The following TRPM3 variants were observed in gnomAD, a reference collection of about 807,000 sequenced individuals.
The protein encoded by TRPM3 is transient receptor potential cation channel subfamily M member 3, also known as long transient receptor potential channel 3.
Under a neutral mutation model 181.2 loss-of-function variants are expected in TRPM3, and 77 were observed. That is an observed-to-expected ratio of 0.42 (90% CI 0.35 to 0.51). TRPM3 has a LOEUF of 0.51. Ranked by LOEUF, TRPM3 falls within the 20% of genes least tolerant of loss-of-function variation. The pLI is 0.01. For missense variants in TRPM3, 1,759 were observed against 2,196.7 expected (o/e 0.80, Z 3.98); for synonymous variants, 745 against 796.4 (o/e 0.94, Z 1.09).
At chr9:70,549,028 AAAAC>A (rs1274798939) in intron 25 of TRPM3, among the ~76,000 whole-genome samples, 1 of 152,212 alleles carries the variant, frequency 6.6e-6, no homozygotes, top group Non-Finnish European at 1.5e-5. Context: ...ATAAAAAGGA[AAAAC>A]AAAACAATTC....
At chr9:71,213,324 C>T (rs2079630522) in intron 1 of TRPM3, among the ~76,000 whole-genome samples, 1 of 151,426 alleles carries the variant, frequency 6.6e-6, no homozygotes, top group Non-Finnish European at 1.5e-5. Context: ...TTTTAAATAC[C>T]ATCCCAGTTT....
chr9:71,375,753 G>T (rs1409192059), intron 1 of TRPM3, among the ~76,000 whole-genome samples: 2 of 152,128 alleles, frequency 1.3e-5, no homozygotes, highest in Admixed American at 1.3e-4. Context: ...TGATCAGCCA[G>T]CAGTCATCAA....
intron 1 of TRPM3, chr9:70,917,398 T>A: frequency 1.1e-6 from 1 of 874,438 alleles, no homozygotes; most frequent in Non-Finnish European, 2.0e-6. Context: ...AAGAGCTCAG[T>A]GGGGACACCA....
chr9:70,760,624 G>A (rs886735722), intron 8 of TRPM3: 37 of 151,512 alleles, frequency 2.4e-4, no homozygotes, highest in African/African-American at 9.0e-4. Context: ...AAGGCTGTGT[G>A]GATGCTTTTT....
At chr9:71,322,575 T>C (rs2089327403) in intron 1 of TRPM3, among the ~76,000 whole-genome samples, 1 of 152,124 alleles carries the variant, frequency 6.6e-6, no homozygotes, top group South Asian at 2.1e-4. Flanking sequence ...TGTCAAATAC[T>C]GTTTCACGGA....
chr9:71,014,421 T>C (rs896540985), intron 1 of TRPM3, among the ~76,000 whole-genome samples: 15 of 152,082 alleles, frequency 9.9e-5, no homozygotes, highest in Admixed American at 1.3e-4. Context: ...TATAGAACTT[T>C]TATATCTTAT....
chr9:70,563,493 C>T (rs949929320), intron 22 of TRPM3, among the ~76,000 whole-genome samples: 1 of 152,206 alleles, frequency 6.6e-6, no homozygotes, highest in African/African-American at 2.4e-5. Flanking sequence ...CTTCTCCTTT[C>T]ACCCAATTCA....
intron 1 of TRPM3, among the ~76,000 whole-genome samples, chr9:71,300,012 A>T (rs977396400): frequency 3.3e-5 from 5 of 152,272 alleles, no homozygotes; most frequent in South Asian, 4.1e-4. Context: ...CTGCTGCCAG[A>T]TAGCATAACC....
chr9:71,062,569 T>C lies in TRPM3; in HGVS notation c.177+58609A>G, dbSNP rs79335538. On this transcript the variant is annotated intron_variant, in intron 1 of 25. Transcript: ENST00000677713. ...TTTGCTTTCTAAATACTTTTGTTTC[T>C]TTGAGCAAATGCAAATTCAATATAC... 4.9e-3 allele frequency among the ~76,000 whole-genome samples: 752 copies of C among 152,258 alleles called. 18 individuals are homozygous for C. In the East Asian group the frequency reaches 0.078, roughly 16 times the overall value.
At chr9:70,635,377 A>T (rs1483518834) in intron 11 of TRPM3, 116 bp from the exon 12 acceptor site, 2 of 748,268 alleles carry the variant, frequency 2.7e-6, no homozygotes, top group African/African-American at 3.5e-5. Flanking sequence ...ATTAAGATGG[A>T]CCTTGTTCTA....
intron 9 of TRPM3, 34 bp from the exon 10 acceptor site, chr9:70,640,694 G>C: frequency 1.3e-6 from 2 of 1,543,404 alleles, no homozygotes. Flanking sequence ...AAGAGTGGAA[G>C]AGAGAAAACG....
At chr9:71,307,310 CCTGT>C (rs1440395499) in intron 1 of TRPM3, among the ~76,000 whole-genome samples, 3 of 110,294 alleles carry the variant, frequency 2.7e-5, no homozygotes, top group South Asian at 2.9e-4. Flanking sequence ...TCTTTATTTC[CCTGT>C]TTATTTACCA....
At chr9:71,150,116 ATGT>A (rs1268527993) in intron 1 of TRPM3, among the ~76,000 whole-genome samples, 3 of 152,324 alleles carry the variant, frequency 2.0e-5, no homozygotes, top group African/African-American at 7.2e-5. Flanking sequence ...GAGGGCAGAA[ATGT>A]TGTAGAATTT....
intron 7 of TRPM3, among the ~76,000 whole-genome samples, chr9:70,778,510 C>T (rs1564241105): frequency 1.3e-5 from 2 of 152,144 alleles, no homozygotes; most frequent in South Asian, 4.1e-4. Context: ...AAACCACCAG[C>T]GTTCTTTGTC....
intron 1 of TRPM3, among the ~76,000 whole-genome samples, chr9:71,324,842 T>C (rs73649719): frequency 0.034 from 5,126 of 152,146 alleles, 270 homozygotes; most frequent in African/African-American, 0.12. Context: ...GAGGTCATTA[T>C]CTTAAGTGAA....
At chr9:70,761,300 C>T in intron 8 of TRPM3, 1 of 607,916 alleles carries the variant, frequency 1.6e-6, no homozygotes. Flanking sequence ...CTGAAGCGTT[C>T]TCCAGGAGGG....
chr9:71,162,786 A>G (rs761038145), intron 1 of TRPM3, among the ~76,000 whole-genome samples: 1 of 152,200 alleles, frequency 6.6e-6, no homozygotes. Context: ...CTTCCATGTA[A>G]GAGACAGGAA....
intron 1 of TRPM3, among the ~76,000 whole-genome samples, chr9:71,203,812 CCTT>C (rs1030297360): frequency 2.0e-5 from 3 of 152,180 alleles, no homozygotes; most frequent in African/African-American, 7.2e-5. Flanking sequence ...TCCTCCACCT[CCTT>C]CTTTTCTGCT....
chr9:71,151,255 A>C (rs1409467109), intron 1 of TRPM3, among the ~76,000 whole-genome samples: 1 of 152,046 alleles, frequency 6.6e-6, no homozygotes, highest in African/African-American at 2.4e-5. Context: ...ATTCTATCAC[A>C]AAGGGATACA....
Sources: allele counts gnomAD v4.1 joint callset (sites outside exome capture counted in the v4.1 genomes callset), GRCh38; gene constraint gnomAD v4.1.1; transcripts MANE v1.5; gene names NCBI Gene and HGNC (gene_info 2026-07-23, HGNC 2026-07-21).